Variants in SPARCL1 observed in about 807,000 individuals in gnomAD.
The protein encoded by SPARCL1 is SPARC-like protein 1.
SPARCL1 carries 52 observed loss-of-function variants against 67.1 expected under a neutral mutation model. That is an observed-to-expected ratio of 0.78 (90% confidence interval 0.62 to 0.98). The LOEUF (loss-of-function observed/expected upper bound fraction) is 0.98. Among genes scored for constraint, SPARCL1 ranks in the 50% least tolerant of loss-of-function variants. The pLI is 0.00. For missense variants in SPARCL1, 717 were observed against 782.4 expected (o/e 0.92, Z 1.00); for synonymous variants, 226 against 267.8 (o/e 0.84, Z 1.52).
rs751106977 is a variant in SPARCL1 at position 87,494,319 on chromosome 4, C to T, written c.481G>A (p.Glu161Lys). 1.9e-6 allele frequency: 3 copies of T among 1,614,156 alleles called. No homozygotes were observed. In the East Asian group the frequency reaches 6.7e-5, roughly 36 times the overall value. The change falls in exon 4 of 11, where the codon GAG becomes AAG. Residue 161 changes from glutamate to lysine, a missense_variant. Glu to Lys is a moderately conservative substitution (Grantham distance 56). Coordinates refer to ENST00000282470, the MANE Select transcript of SPARCL1 (RefSeq NM_004684.6). The stretch of plus-strand genomic sequence containing the variant: ...TTTCTAGGTTGTTCTTGGTTTTCCT[C>T]TCTCTTTGTGATACTTTCTTGTTGG... ...SNQQESITKR[E>K]ENQEQPRNYS...
Position 87,494,747 on chromosome 4 carries a change from T to C in SPARCL1, c.202-149A>G, listed in dbSNP as rs1051204328. The C allele has an allele frequency of 1.4e-5, 12 of 887,522 alleles. No homozygotes were observed. In the African/African-American group the frequency reaches 1.9e-4, roughly 14 times the overall value. 55.0% of individuals were successfully genotyped at this position (887,522 alleles called of 1,614,324 possible). On this transcript the variant is annotated intron_variant, in intron 3 of 10. Transcript: ENST00000282470. Reference sequence around the variant, plus strand: ...ATTCCTCACACTCTGTAGCCACAGGTTTAAACTGAATTTGGATTTTATAAA... The same window carrying C: ...ATTCCTCACACTCTGTAGCCACAGGCTTAAACTGAATTTGGATTTTATAAA...
chr4:87,522,442 G>T (rs114302196), intron 1 of SPARCL1, among the ~76,000 whole-genome samples: 2,567 of 151,590 alleles, frequency 0.017, 62 homozygotes, highest in African/African-American at 0.06. Flanking sequence ...CAAGCAAAGG[G>T]CACATACATT....
At chr4:87,521,809 T>C (rs899158448) in intron 1 of SPARCL1, among the ~76,000 whole-genome samples, 2 of 152,250 alleles carry the variant, frequency 1.3e-5, no homozygotes, top group Non-Finnish European at 2.9e-5. Flanking sequence ...TGTACATCCA[T>C]GCATCCAAAT....
At chr4:87,506,319 A>G (rs1308880088) in intron 1 of SPARCL1, among the ~76,000 whole-genome samples, 5 of 152,212 alleles carry the variant, frequency 3.3e-5, no homozygotes, top group Non-Finnish European at 7.3e-5. Flanking sequence ...GGTTAATTTT[A>G]TATGTCAACT....
At chr4:87,489,352 C>T (rs72879257) in intron 7 of SPARCL1, among the ~76,000 whole-genome samples, 2,793 of 152,258 alleles carry the variant, frequency 0.018, 92 homozygotes, top group African/African-American at 0.064. Context: ...GAGAGTTTCC[C>T]GATCCCTTGC....
intron 1 of SPARCL1, 62 bp from the exon 2 acceptor site, chr4:87,499,647 A>C: frequency 8.3e-7 from 1 of 1,209,914 alleles, no homozygotes. Flanking sequence ...AAACTGAAAG[A>C]TAGTCTTAGC....
intron 1 of SPARCL1, among the ~76,000 whole-genome samples, chr4:87,499,941 G>T (rs537463783): frequency 1.3e-5 from 2 of 152,246 alleles, no homozygotes; most frequent in Non-Finnish European, 2.9e-5. Context: ...CACGCTGCCT[G>T]TTTAGTGGTA....
In SPARCL1 at chr4:87,497,818, G is replaced by C. The variant is rs56390039; in HGVS notation, c.54+1703C>G. ...TCACCCAGGCTGGAGTGCTGTGTGC[G>C]ATCTTGGCTCACTGCAGCCTCAACT... is the stretch of plus-strand genomic sequence containing the variant. On this transcript the variant is annotated intron_variant, in intron 2 of 10. Transcript: ENST00000282470. Among the ~76,000 whole-genome samples the C allele has an allele frequency of 5.7e-3, 870 of 152,262 alleles. 15 individuals are homozygous for C. The highest frequency in any genetic ancestry group is 0.02 in the African/African-American group (815 of 41,556).
At chr4:87,497,947 C>T (rs928858897) in intron 2 of SPARCL1, among the ~76,000 whole-genome samples, 4 of 152,060 alleles carry the variant, frequency 2.6e-5, no homozygotes, top group South Asian at 2.1e-4. Context: ...TTTGTAGAGA[C>T]GTGGCCTCAC....
chr4:87,511,407 G>A (rs374244103), intron 1 of SPARCL1, among the ~76,000 whole-genome samples: 2 of 152,192 alleles, frequency 1.3e-5, no homozygotes, highest in East Asian at 3.9e-4. Context: ...ATTAGTTTTG[G>A]GCTTGTTGAA....
At position 87,480,377 on chromosome 4, in the gene SPARCL1, C is replaced by T. The variant is rs1369690935; in HGVS notation, c.1812G>A (p.Met604Ile). The change falls in exon 9 of 11, where the codon ATG (methionine) becomes ATA (isoleucine). Residue 604 changes from methionine (M) to isoleucine (I), a missense_variant. By Grantham distance (10) the Met-to-Ile change is conservative. Transcript: ENST00000282470. The part of the protein sequence containing the change: ...WQFSELDQHP[M>I]DRVLTHSELA... ...GAAAGGTAAAGAGTTCTTACCTATC[C>T]ATAGGGTGTTGGTCAAGTTCACTAA... is the stretch of plus-strand genomic sequence containing the variant. 1.3e-6 allele frequency: 2 copies of T among 1,598,238 alleles called. No homozygotes were observed. Among genetic ancestry groups the T allele is most frequent in the Admixed American group, 3.4e-5 (2 of 58,324 alleles).
chr4:87,510,591 C>T (rs1399864117), intron 1 of SPARCL1, among the ~76,000 whole-genome samples: 2 of 152,154 alleles, frequency 1.3e-5, no homozygotes, highest in Non-Finnish European at 1.5e-5. Context: ...ATCTTCCCTT[C>T]CCATTCCCTT....
chr4:87,491,378 C>T (rs1724318923), intron 5 of SPARCL1, among the ~76,000 whole-genome samples: 1 of 152,118 alleles, frequency 6.6e-6, no homozygotes, highest in Non-Finnish European at 1.5e-5. Context: ...TAAGGAAGAA[C>T]TCTAGCCCTT....
At chr4:87,487,177 C>A (rs903456138) in intron 7 of SPARCL1, among the ~76,000 whole-genome samples, 3 of 151,858 alleles carry the variant, frequency 2.0e-5, no homozygotes, top group African/African-American at 7.3e-5. Context: ...GATGCAGTTT[C>A]TTCATAGTGT....
At chr4:87,518,928 G>T (rs1162212688) in intron 1 of SPARCL1, among the ~76,000 whole-genome samples, 1 of 152,148 alleles carries the variant, frequency 6.6e-6, no homozygotes, top group Non-Finnish European at 1.5e-5. Context: ...TGGCTTGAAA[G>T]TTAAAAATGA....
Position 87,529,306 on chromosome 4 carries a change from G to A in SPARCL1, c.-273C>T, listed in dbSNP as rs562787253. The A allele has an allele frequency of 2.8e-4, 43 of 152,314 alleles. No individual in the cohort carries two copies. The highest frequency in any genetic ancestry group is 9.9e-4 in the African/African-American group (41 of 41,560). The allele number at this position is 152,314 out of a possible 1,614,324, so 9.4% of individuals were successfully genotyped here. On this transcript the variant is annotated 5_prime_UTR_variant, in exon 1 of 11. The change creates a new upstream start codon in the 5' untranslated region. Transcript: ENST00000282470. Reference sequence around the variant, plus strand: ...CCAGAGAGTATTTCAGACTGTCATCGTTTTTGTTGCAGATTCCTGGATTTC... The same window carrying A: ...CCAGAGAGTATTTCAGACTGTCATCATTTTTGTTGCAGATTCCTGGATTTC...
intron 1 of SPARCL1, among the ~76,000 whole-genome samples, chr4:87,515,588 A>C (rs1457219226): frequency 6.6e-6 from 1 of 152,154 alleles, no homozygotes; most frequent in Non-Finnish European, 1.5e-5. Flanking sequence ...CTGGAAGGAG[A>C]GCCCTTTCCT....
At chr4:87,503,253 C>A (rs1724921458) in intron 1 of SPARCL1, among the ~76,000 whole-genome samples, 1 of 152,210 alleles carries the variant, frequency 6.6e-6, no homozygotes, top group Admixed American at 6.5e-5. Flanking sequence ...CCTCACCCTG[C>A]CTTCCAAATC....
intron 8 of SPARCL1, 129 bp from the exon 9 acceptor site, chr4:87,480,649 A>C (rs1255151073): frequency 1.3e-6 from 1 of 758,634 alleles, no homozygotes; most frequent in Non-Finnish European, 2.0e-6. Context: ...CATCATGTGC[A>C]ACTAAATGAA....
Sources: gnomAD v4.1 joint callset for allele counts (sites outside exome capture counted in the v4.1 genomes callset) on GRCh38, gnomAD v4.1.1 for gene constraint, MANE v1.5 for transcripts, NCBI Gene and HGNC (gene_info 2026-07-23, HGNC 2026-07-21) for gene names.